Variants in DOCK8 observed in about 807,000 individuals in gnomAD.
DOCK8 encodes dedicator of cytokinesis protein 8.
In DOCK8, 141 loss-of-function variants were observed where a neutral mutation model predicts 245.6. The observed-to-expected ratio is 0.57, with a 90% CI of 0.50 to 0.66. DOCK8 has a LOEUF of 0.66. Ranked by LOEUF, DOCK8 falls within the 30% of genes least tolerant of loss-of-function variation. The pLI, the probability that DOCK8 is intolerant of heterozygous loss-of-function variation, is 0.00. For missense variants in DOCK8, 2,965 were observed against 2,603.4 expected (o/e 1.14, Z -3.02); for synonymous variants, 1,168 against 970.2 (o/e 1.20, Z -3.79).
intron 4 of DOCK8, among the ~76,000 whole-genome samples, chr9:298,920 G>T (rs1441216167): frequency 1.3e-5 from 2 of 150,102 alleles, no homozygotes; most frequent in African/African-American, 2.5e-5. Context: ...AAAGGCAAAG[G>T]GCAAATACTA....
chr9:232,409 A>C (rs1294894176), intron 1 of DOCK8, among the ~76,000 whole-genome samples: 1 of 152,210 alleles, frequency 6.6e-6, no homozygotes, highest in Non-Finnish European at 1.5e-5. Context: ...TGCTGGCCTC[A>C]TCAAATGAGT....
At chr9:243,730 C>G (rs1170452989) in intron 1 of DOCK8, among the ~76,000 whole-genome samples, 4 of 152,082 alleles carry the variant, frequency 2.6e-5, no homozygotes, top group Non-Finnish European at 5.9e-5. Flanking sequence ...ATCTCACTGT[C>G]TGAATCTAGA....
chr9:432,524 T>C (rs1387435398), intron 37 of DOCK8, among the ~76,000 whole-genome samples, 200 bp downstream of exon 37: 1 of 152,182 alleles, frequency 6.6e-6, no homozygotes, highest in Non-Finnish European at 1.5e-5. Flanking sequence ...AGTCTCAATA[T>C]GCTAACAGTC....
intron 4 of DOCK8, among the ~76,000 whole-genome samples, chr9:296,197 G>C (rs2049253732): frequency 6.6e-6 from 1 of 152,158 alleles, no homozygotes. Flanking sequence ...ATGTTTGCTT[G>C]TTTGTCCAAC....
rs564038931 is a variant in DOCK8, at chr9:399,527, A to G, written c.3234+268A>G. 2.7e-4 allele frequency among the ~76,000 whole-genome samples: 41 copies of G among 152,232 alleles called. 1 individual carries two copies. The highest frequency in any genetic ancestry group is 8.4e-4 in the African/African-American group (35 of 41,534). ...AATTAAAATTTGTGATATGATCTGA[A>G]TCTTCAATTTGACATTCAACAGAAA... is the stretch of plus-strand genomic sequence containing the variant. On this transcript the variant is annotated intron_variant, in intron 26 of 47. Transcript: ENST00000432829.
At chr9:425,772 A>C (rs910700183) in intron 33 of DOCK8, among the ~76,000 whole-genome samples, 6 of 151,782 alleles carry the variant, frequency 4.0e-5, no homozygotes, top group African/African-American at 4.8e-5. Flanking sequence ...AAAAAAAAAA[A>C]AAAAAACTTT....
chr9:283,780 G>A (rs1187539241), intron 2 of DOCK8, among the ~76,000 whole-genome samples: 1 of 152,044 alleles, frequency 6.6e-6, no homozygotes, highest in Non-Finnish European at 1.5e-5. Flanking sequence ...TAAAAATATT[G>A]TTTAAAATTA....
chr9:348,338 G>T (rs1400141534), intron 14 of DOCK8, among the ~76,000 whole-genome samples: 1 of 152,180 alleles, frequency 6.6e-6, no homozygotes, highest in African/African-American at 2.4e-5. Context: ...GTAAGGAGGT[G>T]CTGTGTACAT....
intron 2 of DOCK8, among the ~76,000 whole-genome samples, chr9:285,476 A>G (rs1051855485): frequency 1.3e-5 from 2 of 152,026 alleles, no homozygotes; most frequent in African/African-American, 2.4e-5. Context: ...CACCACCCCC[A>G]ACCTCCCTTG....
intron 1 of DOCK8, among the ~76,000 whole-genome samples, chr9:263,364 C>T (rs2047964723): frequency 6.6e-6 from 1 of 151,966 alleles, no homozygotes; most frequent in South Asian, 2.1e-4. Flanking sequence ...GTACTTTTAC[C>T]ATTTCCCAGA....
chr9:400,839 CCACCTCCACCAT>C lies in DOCK8; in HGVS notation c.3234+1585_3234+1596del, dbSNP rs1564015773. On this transcript the variant is annotated intron_variant, in intron 26 of 47. Transcript: ENST00000432829. ...ACCACCTCCACCATCACCATCACCA[CCACCTCCACCAT>C]CACCACCTCCTCCACCATCACCACC... is the stretch of plus-strand genomic sequence containing the variant. Among the ~76,000 whole-genome samples, 3 of 94,540 alleles carry C rather than the reference CCACCTCCACCAT, an allele frequency of 3.2e-5. 1 individual carries two copies. Among genetic ancestry groups the C allele is most frequent in the Admixed American group, 3.2e-4 (3 of 9,496 alleles). 62.0% of individuals were successfully genotyped at this position (94,540 alleles called of 152,430 possible).
chr9:355,207 T>C lies in DOCK8; in HGVS notation c.1680-12811T>C, dbSNP rs1488255473. The stretch of plus-strand genomic sequence containing the variant: ...TGTTTCTTTTCTTTTTTTTTTTTTT[T>C]TTTTTTTTTTTTTTTGAGACAGAGT... On this transcript the variant is annotated intron_variant, in intron 14 of 47. Coordinates refer to ENST00000432829, the MANE Select transcript of DOCK8 (RefSeq NM_203447.4). Among the ~76,000 whole-genome samples the C allele has an allele frequency of 6.2e-4, 88 of 141,490 alleles. 3 individuals are homozygous for C. Among genetic ancestry groups the C allele is most frequent in the Admixed American group, 9.9e-4 (14 of 14,190 alleles). 92.8% of individuals were successfully genotyped at this position (141,490 alleles called of 152,430 possible).
At chr9:400,166 C>T (rs1380508682) in intron 26 of DOCK8, among the ~76,000 whole-genome samples, 8 of 101,486 alleles carry the variant, frequency 7.9e-5, no homozygotes, top group Admixed American at 1.9e-4. Flanking sequence ...ACCACCACCA[C>T]CTCCACCATC....
At chr9:337,479 TG>T (rs1489475063) in intron 12 of DOCK8, among the ~76,000 whole-genome samples, 9 of 152,214 alleles carry the variant, frequency 5.9e-5, no homozygotes, top group African/African-American at 2.2e-4. Context: ...GACAACAGTC[TG>T]GCTGGGCCAT....
chr9:384,142 T>G (rs2053846082), intron 22 of DOCK8, among the ~76,000 whole-genome samples: 1 of 152,192 alleles, frequency 6.6e-6, no homozygotes, highest in Non-Finnish European at 1.5e-5. Flanking sequence ...TTGACAGTTT[T>G]GAGGAGTAAT....
rs1483470996 is a variant in DOCK8 at position 400,010 on chromosome 9, CCAT to C, written c.3234+754_3234+756del. 2.2e-3 allele frequency among the ~76,000 whole-genome samples: 213 copies of C among 97,724 alleles called. 10 individuals are homozygous for C. The highest frequency in any genetic ancestry group is 4.0e-3 in the Non-Finnish European group (177 of 43,764). The allele number at this position is 97,724 out of a possible 152,430, so 64.1% of individuals were successfully genotyped here. ...CCTCCCACCACCTCCACCACCTCCA[CCAT>C]CACCACCACCTCCACCATCACCACC... is the stretch of plus-strand genomic sequence containing the variant. On this transcript the variant is annotated intron_variant, in intron 26 of 47. Transcript: ENST00000432829.
Position 390,533 on chromosome 9 carries a change from C to G in DOCK8, c.2937C>G (p.Val979=), listed in dbSNP as rs751748445. 27 of 1,614,170 alleles carry G rather than the reference C, an allele frequency of 1.7e-5. No homozygotes were observed. The highest frequency in any genetic ancestry group is 1.6e-4 in the Middle Eastern group (1 of 6,062). ...GCACCGGAATGGTGAGAGAAACAGT[C>G]TTCAAGTATGCCTGGTTCTTCTTTG... ...VVSTGMVRET[V]FKYAWFFFEL... The change falls in exon 24 of 48, where the codon GTC becomes GTG. Residue 979 remains valine, a synonymous_variant. Transcript: ENST00000432829.
At chr9:441,137 T>C (rs1587059638) in intron 40 of DOCK8, 149 bp from the exon 41 acceptor site, 4 of 1,123,866 alleles carry the variant, frequency 3.6e-6, no homozygotes, top group East Asian at 4.8e-5. Context: ...GTCCCAAAAG[T>C]GCTCAGATAC....
chr9:351,267 T>C (rs1350069527), intron 14 of DOCK8, among the ~76,000 whole-genome samples: 1 of 152,176 alleles, frequency 6.6e-6, no homozygotes, highest in African/African-American at 2.4e-5. Flanking sequence ...GGGGACTGGA[T>C]TGGACCTGGA....
Sources: allele counts gnomAD v4.1 joint callset (sites outside exome capture counted in the v4.1 genomes callset), GRCh38; gene constraint gnomAD v4.1.1; transcripts MANE v1.5; gene names NCBI Gene and HGNC (gene_info 2026-07-23, HGNC 2026-07-21).